Variants in GRIN2B observed in about 807,000 individuals in gnomAD.
GRIN2B encodes the protein glutamate ionotropic receptor NMDA type subunit 2B.
GRIN2B carries 5 observed loss-of-function variants against 114.5 expected under a neutral mutation model. The observed-to-expected ratio is 0.04, with a 90% confidence interval of 0.02 to 0.09. The LOEUF is 0.09. Ranked by LOEUF, GRIN2B falls within the 10% of genes least tolerant of loss-of-function variation. GRIN2B has a pLI of 1.00. For missense variants in GRIN2B, 1,108 were observed against 1,943.5 expected (o/e 0.57, Z 8.08); for synonymous variants, 787 against 745.1 (o/e 1.06, Z -0.92).
chr12:13,702,105 G>C (rs981512872), intron 4 of GRIN2B, among the ~76,000 whole-genome samples: 13 of 152,240 alleles, frequency 8.5e-5, no homozygotes, highest in Non-Finnish European at 1.6e-4. Flanking sequence ...TATAATTTAT[G>C]GATCTCTTTC....
At chr12:13,919,752 G>A (rs1178170752) in intron 2 of GRIN2B, among the ~76,000 whole-genome samples, 1 of 152,096 alleles carries the variant, frequency 6.6e-6, no homozygotes, top group East Asian at 1.9e-4. Flanking sequence ...AGCTGATGCG[G>A]GGATCGTCTC....
chr12:13,580,610 G>A lies in GRIN2B; in HGVS notation c.2011-8646C>T, dbSNP rs144047325. Reference sequence around the variant, plus strand: ...TTGGGCCTGGGCTAATTATGAGGAGGTGGCAGCACATCAGAATTCTGAAGA... The same window carrying A: ...TTGGGCCTGGGCTAATTATGAGGAGATGGCAGCACATCAGAATTCTGAAGA... On this transcript the variant is annotated intron_variant, in intron 10 of 13. Coordinates refer to ENST00000609686, the MANE Select transcript of GRIN2B (RefSeq NM_000834.5). Among the ~76,000 whole-genome samples, 938 of 152,308 alleles carry A rather than the reference G, an allele frequency of 6.2e-3. 7 individuals carry two copies. Among genetic ancestry groups the A allele is most frequent in the African/African-American group, 0.021 (892 of 41,540 alleles).
intron 8 of GRIN2B, among the ~76,000 whole-genome samples, chr12:13,612,100 T>G (rs908763539): frequency 6.6e-6 from 1 of 152,220 alleles, no homozygotes; most frequent in Non-Finnish European, 1.5e-5. Flanking sequence ...AGGCAGCTTC[T>G]GCCATTATTG....
At chr12:13,665,651 C>T (rs116632929) in intron 5 of GRIN2B, among the ~76,000 whole-genome samples, 3,054 of 152,216 alleles carry the variant, frequency 0.02, 109 homozygotes, top group African/African-American at 0.07. Context: ...AATTTACTTA[C>T]ATGTACAAGT....
At chr12:13,832,834 A>T (rs1461874511) in intron 3 of GRIN2B, among the ~76,000 whole-genome samples, 6 of 152,188 alleles carry the variant, frequency 3.9e-5, no homozygotes, top group Admixed American at 3.3e-4. Context: ...TGATGGGTAT[A>T]CATATTTTGA....
At chr12:13,750,267 C>T (rs1041374385) in intron 4 of GRIN2B, among the ~76,000 whole-genome samples, 1 of 152,156 alleles carries the variant, frequency 6.6e-6, no homozygotes, top group Non-Finnish European at 1.5e-5. Flanking sequence ...GGGCCACCTT[C>T]CTGGGTGGCC....
intron 3 of GRIN2B, among the ~76,000 whole-genome samples, chr12:13,856,379 A>G (rs1006806442): frequency 1.3e-5 from 2 of 152,284 alleles, no homozygotes; most frequent in African/African-American, 4.8e-5. Flanking sequence ...CAAAAAAGTA[A>G]TAATAGATCT....
At chr12:13,747,491 T>C (rs1288430289) in intron 4 of GRIN2B, among the ~76,000 whole-genome samples, 1 of 152,224 alleles carries the variant, frequency 6.6e-6, no homozygotes, top group Non-Finnish European at 1.5e-5. Flanking sequence ...CCAACTTATA[T>C]ATCCTTTTAC....
intron 10 of GRIN2B, among the ~76,000 whole-genome samples, chr12:13,598,928 GCCT>G (rs1299302379): frequency 1.3e-5 from 2 of 152,190 alleles, no homozygotes; most frequent in Non-Finnish European, 2.9e-5. Flanking sequence ...GAGGTCTTGA[GCCT>G]CCTCCTCCTG....
At chr12:13,764,263 T>C (rs1863735387) in intron 3 of GRIN2B, among the ~76,000 whole-genome samples, 1 of 150,496 alleles carries the variant, frequency 6.6e-6, no homozygotes, top group Non-Finnish European at 1.5e-5. Flanking sequence ...CAAGAGACAC[T>C]CTCTCTGGCC....
At chr12:13,742,861 T>A (rs577719627) in intron 4 of GRIN2B, among the ~76,000 whole-genome samples, 2 of 152,372 alleles carry the variant, frequency 1.3e-5, no homozygotes, top group South Asian at 4.1e-4. Flanking sequence ...AAGCAAAGTG[T>A]GGAACTTCAG....
chr12:13,817,087 A>AT (rs1024037778), intron 3 of GRIN2B, among the ~76,000 whole-genome samples: 3,204 of 148,168 alleles, frequency 0.022, 43 homozygotes, highest in Non-Finnish European at 0.035. Flanking sequence ...TTGGTGCAGG[A>AT]TTTTTTTTTT....
intron 4 of GRIN2B, among the ~76,000 whole-genome samples, chr12:13,722,510 G>A (rs1392059406): frequency 2.0e-5 from 3 of 152,016 alleles, no homozygotes; most frequent in African/African-American, 7.2e-5. Flanking sequence ...CATGGGTACC[G>A]ATGCAGGTAA....
chr12:13,767,239 G>C (rs545888223), intron 3 of GRIN2B, among the ~76,000 whole-genome samples: 1 of 127,288 alleles, frequency 7.9e-6, no homozygotes. Flanking sequence ...CAGCCTGTGC[G>C]AAAGTACAGA....
intron 2 of GRIN2B, among the ~76,000 whole-genome samples, chr12:13,937,148 C>A (rs1867144367): frequency 6.8e-6 from 1 of 147,820 alleles, no homozygotes; most frequent in Non-Finnish European, 1.5e-5. Context: ...TAATATTTGA[C>A]ACAATATTAA....
intron 2 of GRIN2B, among the ~76,000 whole-genome samples, chr12:13,913,346 G>C (rs1191452205): frequency 6.6e-6 from 1 of 152,118 alleles, no homozygotes; most frequent in Non-Finnish European, 1.5e-5. Context: ...TGGCTGACAG[G>C]GAAACAGGTG....
At chr12:13,714,534 C>G (rs1950439618) in intron 4 of GRIN2B, among the ~76,000 whole-genome samples, 1 of 151,788 alleles carries the variant, frequency 6.6e-6, no homozygotes, top group African/African-American at 2.4e-5. Flanking sequence ...TAAAATGCCC[C>G]CATCCCACAG....
At chr12:13,888,792 TAA>T (rs34962020) in intron 2 of GRIN2B, among the ~76,000 whole-genome samples, 14,330 of 147,068 alleles carry the variant, frequency 0.097, 833 homozygotes, top group Middle Eastern at 0.18. Flanking sequence ...GTATAAAAGA[TAA>T]AAAAAAAAAA....
intron 4 of GRIN2B, among the ~76,000 whole-genome samples, chr12:13,690,786 C>A (rs1050098098): frequency 6.6e-6 from 1 of 152,082 alleles, no homozygotes; most frequent in Admixed American, 6.5e-5. Context: ...AATAAAATTT[C>A]TTGATATTGC....
Sources: allele counts gnomAD v4.1 joint callset (sites outside exome capture counted in the v4.1 genomes callset), GRCh38; gene constraint gnomAD v4.1.1; transcripts MANE v1.5; gene names NCBI Gene and HGNC (gene_info 2026-07-23, HGNC 2026-07-21).